The following IFT70B variants were observed in gnomAD, a reference collection of about 807,000 sequenced individuals.
The protein encoded by IFT70B is intraflagellar transport 70B, also known as intraflagellar transport protein 70B.
the IFT70B span, chr2:177,552,027 T>C: frequency 1.2e-6 from 2 of 1,614,248 alleles, no homozygotes. Context: ...AGCAGTCTGA[T>C]GGAGGACTAA....
chr2:177,551,797 A>C, the IFT70B span: 1 of 1,614,232 alleles, frequency 6.2e-7, no homozygotes, highest in South Asian at 1.1e-5. Flanking sequence ...AGGTTGCCAA[A>C]AGTCTCTGGA....
the IFT70B span, chr2:177,552,763 T>G: frequency 6.4e-7 from 1 of 1,552,646 alleles, no homozygotes; most frequent in East Asian, 2.3e-5. Context: ...AGGCCAGCCA[T>G]AACCACCACG....
the IFT70B span, chr2:177,551,793 C>G: frequency 6.2e-7 from 1 of 1,614,190 alleles, no homozygotes; most frequent in Non-Finnish European, 8.5e-7. Context: ...CAACAGGTTG[C>G]CAAAAGTCTC....
chr2:177,550,679 T>A, the IFT70B span: 2 of 1,238,560 alleles, frequency 1.6e-6, no homozygotes, highest in Non-Finnish European at 2.2e-6. Context: ...GTTCAACATG[T>A]AACAAATATA....
the IFT70B span, chr2:177,551,024 T>C: frequency 6.2e-7 from 1 of 1,614,188 alleles, no homozygotes; most frequent in Non-Finnish European, 8.5e-7. Context: ...ACCAGGTGTC[T>C]GTTCCCAGCT....
At chr2:177,551,047 G>A in the IFT70B span, 1 of 1,614,140 alleles carries the variant, frequency 6.2e-7, no homozygotes, top group Non-Finnish European at 8.5e-7. Flanking sequence ...TTGTTGTAAG[G>A]TTCCAAGCTT....
At chr2:177,549,459 G>C in the IFT70B span, 1 of 152,288 alleles carries the variant, frequency 6.6e-6, no homozygotes, top group South Asian at 2.1e-4. Context: ...TTATGGCAGA[G>C]GTTCCCTATC....
the IFT70B span, chr2:177,552,033 A>G: frequency 1.9e-6 from 3 of 1,614,108 alleles, no homozygotes; most frequent in African/African-American, 4.0e-5. Flanking sequence ...CTGATGGAGG[A>G]CTAAGGTGTT....
the IFT70B span, chr2:177,552,219 T>C: frequency 6.2e-7 from 1 of 1,614,130 alleles, no homozygotes; most frequent in Non-Finnish European, 8.5e-7. Flanking sequence ...GCCCGAGGCC[T>C]GCAGGGCGGC....
the IFT70B span, chr2:177,552,159 C>T: frequency 5.6e-6 from 9 of 1,614,116 alleles, no homozygotes; most frequent in African/African-American, 1.3e-5. Context: ...AGCATACTGT[C>T]GGCTGCTGTA....
the IFT70B span, chr2:177,552,205 G>A: frequency 9.3e-6 from 15 of 1,614,140 alleles, no homozygotes; most frequent in African/African-American, 1.6e-4. Flanking sequence ...AGGTCAGGCT[G>A]GTAGCCCGAG....
At chr2:177,552,115 G>A in the IFT70B span, 343 of 1,614,214 alleles carry the variant, frequency 2.1e-4, no homozygotes, top group Admixed American at 1.8e-3. Context: ...CGGATGCCAC[G>A]CTCAATAATC....
the IFT70B span, chr2:177,550,700 A>G: frequency 7.3e-7 from 1 of 1,364,648 alleles, no homozygotes. Context: ...AAGATGCCAA[A>G]GGGTAAATAA....
At chr2:177,550,638 C>CA in the IFT70B span, 1 of 655,266 alleles carries the variant, frequency 1.5e-6, no homozygotes, top group Non-Finnish European at 2.2e-6. Context: ...GTTTTAGCTA[C>CA]TTTTTTTTTT....
At chr2:177,552,419 G>T in the IFT70B span, 18 of 1,613,498 alleles carry the variant, frequency 1.1e-5, no homozygotes, top group Non-Finnish European at 1.5e-5. Context: ...GCAGGCGGAG[G>T]ACCCGGCTGT....
chr2:177,550,778 T>C, the IFT70B span: 17 of 1,603,486 alleles, frequency 1.1e-5, no homozygotes, highest in Non-Finnish European at 1.4e-5. Context: ...ATATATTCCA[T>C]CCTATAATCT....
the IFT70B span, chr2:177,552,036 A>G: frequency 6.2e-7 from 1 of 1,614,214 alleles, no homozygotes; most frequent in East Asian, 2.2e-5. Flanking sequence ...ATGGAGGACT[A>G]AGGTGTTGCC....
At chr2:177,550,412 CTT>C in the IFT70B span, 12 of 169,716 alleles carry the variant, frequency 7.1e-5, no homozygotes, top group African/African-American at 4.8e-5. Flanking sequence ...AAAGACTACT[CTT>C]AACTATTACT....
At chr2:177,551,984 T>C in the IFT70B span, 1 of 1,614,216 alleles carries the variant, frequency 6.2e-7, no homozygotes, top group Non-Finnish European at 8.5e-7. Context: ...GTTGGTATTC[T>C]ATAGCTGCCT....
Sources: gnomAD v4.1 joint callset for allele counts on GRCh38, gnomAD v4.1.1 for gene constraint, MANE v1.5 for transcripts, NCBI Gene and HGNC (gene_info 2026-07-23, HGNC 2026-07-21) for gene names.